The following PKHD1L1 variants were observed in gnomAD, a reference collection of about 807,000 sequenced individuals.
PKHD1L1 encodes PKHD1 like 1.
PKHD1L1 carries 434 observed loss-of-function variants against 462.9 expected under a neutral mutation model. That is an observed-to-expected ratio of 0.94 (90% confidence interval 0.87 to 1.02). The LOEUF (loss-of-function observed/expected upper bound fraction) is 1.02, where lower values mean the gene tolerates loss of function less well. Ranked by LOEUF, PKHD1L1 falls within the 50% of genes least tolerant of loss-of-function variation. The probability of loss-of-function intolerance (pLI) is 0.00; values close to 1 mark genes in which losing one functional copy is unlikely to be tolerated. For missense variants in PKHD1L1, 5,202 were observed against 5,096.1 expected (o/e 1.02, Z -0.63); for synonymous variants, 1,781 against 1,750.0 (o/e 1.02, Z -0.44).
chr8:109,432,410 T>C (rs1270301014), intron 27 of PKHD1L1, among the ~76,000 whole-genome samples: 2 of 152,196 alleles, frequency 1.3e-5, no homozygotes, highest in Non-Finnish European at 2.9e-5. Context: ...AGTTTTGTTT[T>C]TTGTTCTTAG....
intron 28 of PKHD1L1, among the ~76,000 whole-genome samples, chr8:109,433,671 AT>A (rs1226297431): frequency 6.6e-6 from 1 of 152,140 alleles, no homozygotes; most frequent in African/African-American, 2.4e-5. Flanking sequence ...GATCATTCAA[AT>A]TTTTTTAACA....
chr8:109,399,825 G>T (rs1167453464), intron 12 of PKHD1L1, among the ~76,000 whole-genome samples: 1 of 152,074 alleles, frequency 6.6e-6, no homozygotes. Context: ...TAGCACCCAT[G>T]CAAATATTAT....
At position 109,364,640 on chromosome 8, in the gene PKHD1L1, T is replaced by G; in HGVS notation, c.163+4T>G. 2.1e-6 allele frequency: 3 copies of G among 1,412,106 alleles called. No homozygotes were observed. Among genetic ancestry groups the G allele is most frequent in the Non-Finnish European group, 2.9e-6 (3 of 1,045,284 alleles). 87.5% of individuals were successfully genotyped at this position (1,412,106 alleles called of 1,614,324 possible). On this transcript the variant is annotated splice_donor_region_variant and intron_variant, in intron 2 of 77. Transcript: ENST00000378402. ...AGGCTGACTATAAGAGGGGAAGGTA[T>G]CGTTGCTTTTTTTTTTTTTTTTTTG...
Position 109,443,770 on chromosome 8 carries a change from A to T in PKHD1L1, c.4659A>T (p.Ser1553=). The T allele has an allele frequency of 6.2e-7, 1 of 1,613,870 alleles. No individual in the cohort carries two copies. The part of the protein sequence containing the change: ...CSLNNTRVKN[S]KRLLFEVSSC... Reference sequence around the variant, plus strand: ...TGAACAATACCAGGGTTAAAAATTCAAAAAGATTGCTATTTGAGGTTTCAA... The same window carrying T: ...TGAACAATACCAGGGTTAAAAATTCTAAAAGATTGCTATTTGAGGTTTCAA... The change falls in exon 37 of 78, where the codon TCA becomes TCT. Residue 1553 remains serine (S), a synonymous_variant. Transcript: ENST00000378402.
intron 20 of PKHD1L1, 80 bp downstream of exon 20, chr8:109,412,494 A>G: frequency 7.2e-7 from 1 of 1,386,688 alleles, no homozygotes; most frequent in Non-Finnish European, 9.6e-7. Context: ...TAAGACAAGA[A>G]AAAATATTTG....
At chr8:109,397,763 T>C (rs1213906401) in intron 11 of PKHD1L1, among the ~76,000 whole-genome samples, 1 of 152,136 alleles carries the variant, frequency 6.6e-6, no homozygotes, top group Admixed American at 6.6e-5. Flanking sequence ...AAACAAAACT[T>C]GGCAAAAATA....
intron 71 of PKHD1L1, among the ~76,000 whole-genome samples, chr8:109,512,517 A>G (rs1175813383): frequency 6.6e-6 from 1 of 151,964 alleles, no homozygotes. Flanking sequence ...GATATGCGGC[A>G]TTATTTCTGA....
intron 50 of PKHD1L1, chr8:109,470,803 G>C (rs1408015484): frequency 1.3e-6 from 2 of 1,521,528 alleles, no homozygotes; most frequent in Non-Finnish European, 1.8e-6. Flanking sequence ...GGTAAGGAAG[G>C]ATGAACAAGT....
intron 37 of PKHD1L1, among the ~76,000 whole-genome samples, 163 bp from the exon 38 acceptor site, chr8:109,444,493 TAATCC>T (rs776523793): frequency 6.6e-6 from 1 of 152,266 alleles, no homozygotes; most frequent in Non-Finnish European, 1.5e-5. Context: ...AATCATAATT[TAATCC>T]AAGAGATGCG....
At position 109,445,324 on chromosome 8, in the gene PKHD1L1, A is replaced by G; in HGVS notation, c.5455A>G (p.Lys1819Glu). The change falls in exon 38 of 78, where the codon AAA becomes GAA. Residue 1819 changes from lysine (K) to glutamate (E), a missense_variant. By Grantham distance (56) the Lys-to-Glu change is moderately conservative. This residue lies in a region of PKHD1L1 where 4,497 missense variants were observed against 4,336.8 expected (regional missense o/e 1.04). Coordinates refer to ENST00000378402, the MANE Select transcript of PKHD1L1 (RefSeq NM_177531.6). ...TTCTGTTAGTGTTGTGGTGGGAAGT[A>G]AAGGCTTGGCTCTGGGAAACCTGAC... ...HHSVSVVVGS[K>E]GLALGNLTVS... 6.2e-7 allele frequency: 1 copy of G among 1,613,972 alleles called. No individual in the cohort carries two copies.
At chr8:109,377,377 T>C (rs1586383834) in intron 2 of PKHD1L1, among the ~76,000 whole-genome samples, 1 of 152,186 alleles carries the variant, frequency 6.6e-6, no homozygotes, top group East Asian at 1.9e-4. Context: ...ATGTTATGTT[T>C]ATTATTGTAT....
chr8:109,507,773 A>T lies in PKHD1L1; in HGVS notation c.11105A>T (p.Gln3702Leu), dbSNP rs1411035897. The change falls in exon 69 of 78, where the codon CAA becomes CTA. Residue 3702 changes from glutamine (Q) to leucine (L), a missense_variant. Gln to Leu is a moderately radical substitution (Grantham distance 113). Transcript: ENST00000378402. ...GGGAATGCTGGTTCTGTGATACCTCAAGCAGAATATGAATGGGACGGAAAC... is the reference window on the plus strand; with the variant it reads ...GGGAATGCTGGTTCTGTGATACCTCTAGCAGAATATGAATGGGACGGAAAC... ...FLGNAGSVIP[Q>L]AEYEWDGNSQ... is the part of the protein sequence containing the mutation. 3 of 1,613,448 alleles carry T rather than the reference A, an allele frequency of 1.9e-6. No individual in the cohort carries two copies. The highest frequency in any genetic ancestry group is 2.5e-6 in the Non-Finnish European group (3 of 1,179,650).
intron 56 of PKHD1L1, 104 bp downstream of exon 56, chr8:109,481,666 C>T (rs1449374648): frequency 9.3e-7 from 1 of 1,070,308 alleles, no homozygotes; most frequent in East Asian, 3.3e-5. Context: ...AATACTTTAT[C>T]ATAAAAAGTA....
At chr8:109,452,923 T>C in intron 43 of PKHD1L1, 49 bp downstream of exon 43, 1 of 1,269,010 alleles carries the variant, frequency 7.9e-7, no homozygotes, top group Non-Finnish European at 1.0e-6. Context: ...TAAATATTTC[T>C]GTGAAACTGA....
intron 43 of PKHD1L1, among the ~76,000 whole-genome samples, chr8:109,453,325 C>G (rs934539211): frequency 6.6e-6 from 1 of 152,152 alleles, no homozygotes; most frequent in South Asian, 2.1e-4. Flanking sequence ...CCCCTTGACT[C>G]CCTTTGGAAG....
intron 71 of PKHD1L1, among the ~76,000 whole-genome samples, chr8:109,512,144 T>A (rs1820024117): frequency 6.6e-6 from 1 of 152,098 alleles, no homozygotes; most frequent in Non-Finnish European, 1.5e-5. Flanking sequence ...ATTTTGTAGG[T>A]TGCCTGTTCA....
chr8:109,491,796 A>G (rs1300100850), intron 61 of PKHD1L1, 77 bp from the exon 62 acceptor site: 1 of 1,291,912 alleles, frequency 7.7e-7, no homozygotes, highest in Non-Finnish European at 1.1e-6. Flanking sequence ...AAATCAAAAG[A>G]CATTACTCCT....
At chr8:109,365,065 C>G (rs1024890733) in intron 2 of PKHD1L1, among the ~76,000 whole-genome samples, 2 of 152,146 alleles carry the variant, frequency 1.3e-5, no homozygotes, top group Non-Finnish European at 2.9e-5. Context: ...GAAAACAAAA[C>G]TTTAGATTCC....
intron 2 of PKHD1L1, among the ~76,000 whole-genome samples, chr8:109,376,193 G>A (rs957903753): frequency 6.6e-6 from 1 of 152,220 alleles, no homozygotes; most frequent in African/African-American, 2.4e-5. Context: ...AGCAAGCTTG[G>A]GCATTGGTGG....
Sources: allele counts gnomAD v4.1 joint callset (sites outside exome capture counted in the v4.1 genomes callset), GRCh38; gene constraint gnomAD v4.1.1; regional missense constraint gnomAD v4.1.1; transcripts MANE v1.5; gene names NCBI Gene and HGNC (gene_info 2026-07-23, HGNC 2026-07-21).